Variants in LGSN observed in about 807,000 individuals in gnomAD.
LGSN encodes lengsin, lens protein with glutamine synthetase domain.
LGSN carries 21 observed loss-of-function variants against 19.5 expected under a neutral mutation model. The observed-to-expected ratio is 1.07, with a 90% CI of 0.76 to 1.55. The LOEUF is 1.55. LGSN is among the 40% of genes most tolerant of loss of function. The probability of loss-of-function intolerance (pLI) is 0.00; values close to 1 mark genes in which losing one functional copy is unlikely to be tolerated. For synonymous variants in LGSN, 257 were observed against 215.6 expected (o/e 1.19, Z -1.68); for missense variants, 673 against 608.5 (o/e 1.11, Z -1.12).
the LGSN span, among the ~76,000 whole-genome samples, chr6:63,343,410 T>C: frequency 1.3e-5 from 2 of 152,186 alleles, no homozygotes; most frequent in Non-Finnish European, 2.9e-5. Context: ...AATAAATGTG[T>C]GTGTTTAAAA....
the LGSN span, among the ~76,000 whole-genome samples, chr6:63,502,469 A>C: frequency 6.6e-6 from 1 of 152,208 alleles, no homozygotes; most frequent in Non-Finnish European, 1.5e-5. Flanking sequence ...AAAAAATGGT[A>C]GGGAAAAAAA....
the LGSN span, among the ~76,000 whole-genome samples, chr6:63,394,247 G>A: frequency 6.6e-6 from 1 of 152,278 alleles, no homozygotes; most frequent in African/African-American, 2.4e-5. Context: ...CTGGGCAACA[G>A]AGCGAGACTC....
At chr6:63,469,668 T>C in the LGSN span, among the ~76,000 whole-genome samples, 1 of 152,228 alleles carries the variant, frequency 6.6e-6, no homozygotes, top group Non-Finnish European at 1.5e-5. Flanking sequence ...TTTCCTTATA[T>C]TTGATTTCCA....
chr6:63,419,346 G>C, the LGSN span, among the ~76,000 whole-genome samples: 1 of 151,980 alleles, frequency 6.6e-6, no homozygotes, highest in Non-Finnish European at 1.5e-5. Flanking sequence ...ATTTTTTTAG[G>C]CACAACCATA....
At chr6:63,330,882 A>C in the LGSN span, among the ~76,000 whole-genome samples, 7 of 152,234 alleles carry the variant, frequency 4.6e-5, no homozygotes, top group African/African-American at 7.2e-5. Context: ...TAACAGTAGC[A>C]TGACATCCCT....
At chr6:63,342,353 AT>A in the LGSN span, among the ~76,000 whole-genome samples, 2 of 152,182 alleles carry the variant, frequency 1.3e-5, no homozygotes, top group Non-Finnish European at 2.9e-5. Context: ...AAGCAATAGT[AT>A]TTTTTAACTT....
chr6:63,494,790 T>C, the LGSN span, among the ~76,000 whole-genome samples: 1 of 152,214 alleles, frequency 6.6e-6, no homozygotes, highest in Non-Finnish European at 1.5e-5. Flanking sequence ...TGTTGTATTT[T>C]CACAGTCCGT....
At chr6:63,505,561 AAAAAAAAGAAAGAAAGAAAG>A in the LGSN span, among the ~76,000 whole-genome samples, 1 of 70,620 alleles carries the variant, frequency 1.4e-5, no homozygotes, top group Non-Finnish European at 2.6e-5. Flanking sequence ...GTCAAAAAAA[AAAAAAAAGAAAGAAAGAAAG>A]AAAGAAAGAA....
intron 1 of LGSN, among the ~76,000 whole-genome samples, chr6:63,297,126 G>A (rs2127388963): frequency 6.6e-6 from 1 of 152,210 alleles, no homozygotes; most frequent in East Asian, 1.9e-4. Flanking sequence ...TGGATCACGA[G>A]GTCAGAAGAT....
At chr6:63,564,587 A>T in the LGSN span, among the ~76,000 whole-genome samples, 4 of 152,344 alleles carry the variant, frequency 2.6e-5, no homozygotes, top group East Asian at 7.7e-4. Context: ...CAACTCTGTA[A>T]ATTAAACCTG....
At chr6:63,434,576 T>G in the LGSN span, among the ~76,000 whole-genome samples, 2 of 130,088 alleles carry the variant, frequency 1.5e-5, no homozygotes, top group Non-Finnish European at 3.1e-5. Context: ...CTGGCCAACA[T>G]GGTGAAACCC....
At chr6:63,471,133 T>C in the LGSN span, among the ~76,000 whole-genome samples, 1 of 150,102 alleles carries the variant, frequency 6.7e-6, no homozygotes, top group South Asian at 2.1e-4. Context: ...TTTTTTTGGT[T>C]GTTTTTTTTT....
chr6:63,528,447 G>A, the LGSN span, among the ~76,000 whole-genome samples: 1 of 151,258 alleles, frequency 6.6e-6, no homozygotes, highest in Non-Finnish European at 1.5e-5. Context: ...TTTTAAGGCC[G>A]GGTACAGTGG....
the LGSN span, among the ~76,000 whole-genome samples, chr6:63,560,649 C>T: frequency 6.6e-6 from 1 of 151,978 alleles, no homozygotes; most frequent in Non-Finnish European, 1.5e-5. Flanking sequence ...GGTGATCTGC[C>T]CACCTCAGCC....
chr6:63,445,636 A>G, the LGSN span, among the ~76,000 whole-genome samples: 1 of 152,180 alleles, frequency 6.6e-6, no homozygotes, highest in East Asian at 1.9e-4. Context: ...TAATAAAAAT[A>G]AAAAAGAAGA....
chr6:63,477,687 CTTTTTTTTTTTTTTTTTTTTTT>C, the LGSN span, among the ~76,000 whole-genome samples: 3 of 61,026 alleles, frequency 4.9e-5, no homozygotes, highest in East Asian at 1.7e-3. Context: ...TTCTTTTTTT[CTTTTTTTTTTTTTTTTTTTTTT>C]TTTTTGTAGA....
chr6:63,520,445 G>C, the LGSN span, among the ~76,000 whole-genome samples: 1 of 151,952 alleles, frequency 6.6e-6, no homozygotes, highest in Non-Finnish European at 1.5e-5. Flanking sequence ...TGGCCAATGT[G>C]GCAAAACCCC....
the LGSN span, among the ~76,000 whole-genome samples, chr6:63,433,411 CT>C: frequency 1.3e-5 from 2 of 152,166 alleles, no homozygotes; most frequent in East Asian, 3.8e-4. Context: ...ACCAAGTTGC[CT>C]AAAGTCTCCC....
chr6:63,296,693 C>G (rs183810830), intron 1 of LGSN, among the ~76,000 whole-genome samples: 26 of 152,122 alleles, frequency 1.7e-4, no homozygotes, highest in Non-Finnish European at 3.5e-4. Flanking sequence ...GTTTTAAACT[C>G]TAACCTGCAA....
Sources: allele counts gnomAD v4.1 joint callset (sites outside exome capture counted in the v4.1 genomes callset), GRCh38; gene constraint gnomAD v4.1.1; transcripts MANE v1.5; gene names NCBI Gene and HGNC (gene_info 2026-07-23, HGNC 2026-07-21).